Variants in WDR48 observed in about 807,000 individuals in gnomAD.
WDR48 encodes the protein WD repeat domain 48.
In WDR48, 22 loss-of-function variants were observed where a neutral mutation model predicts 94.0. The ratio of observed to expected loss-of-function variants is 0.23; its 90% confidence interval spans 0.17 to 0.33. WDR48 has a LOEUF of 0.33. WDR48 is among the 10% of genes least tolerant of loss of function. The pLI, the probability that WDR48 is intolerant of heterozygous loss-of-function variation, is 1.00. For missense variants in WDR48, 541 were observed against 813.8 expected (o/e 0.66, Z 4.08); for synonymous variants, 278 against 280.5 (o/e 0.99, Z 0.09).
At chr3:39,067,844 C>A (rs1197819342) in intron 5 of WDR48, among the ~76,000 whole-genome samples, 1 of 152,186 alleles carries the variant, frequency 6.6e-6, no homozygotes, top group African/African-American at 2.4e-5. Context: ...TCTCAACATT[C>A]TTTTTCCCTT....
rs545458157 is a variant in WDR48, at chr3:39,094,398, C to T, written c.1939-250C>T. The T allele has an allele frequency of 1.1e-3, 1,634 of 1,487,774 alleles. 2 individuals carry two copies. Among genetic ancestry groups the T allele is most frequent in the Non-Finnish European group, 1.2e-3 (1,376 of 1,123,176 alleles). 92.2% of individuals were successfully genotyped at this position (1,487,774 alleles called of 1,614,324 possible). ...CAGAACTGTTTTTTAAATCAAGATG[C>T]ACTCAAAACGTATCCTCAGAGGAAT... On this transcript the variant is annotated intron_variant, in intron 18 of 18. Coordinates refer to ENST00000302313, the MANE Select transcript of WDR48 (RefSeq NM_020839.4).
chr3:39,074,640 G>C lies in WDR48; in HGVS notation c.673-86G>C, dbSNP rs1009453152. The C allele has an allele frequency of 3.1e-6, 4 of 1,295,672 alleles. 1 individual carries two copies. The African/African-American group carries it at 5.8e-5, about 19-fold the overall frequency. 80.3% of individuals were successfully genotyped at this position (1,295,672 alleles called of 1,614,324 possible). On this transcript the variant is annotated intron_variant, in intron 7 of 18. Coordinates refer to ENST00000302313, the MANE Select transcript of WDR48 (RefSeq NM_020839.4). ...GGTTAATAGAGTCGTGTGTTTGACAGTGTGGACTCGGGAGAAGTCAAGTGC... is the reference window on the plus strand; with the variant it reads ...GGTTAATAGAGTCGTGTGTTTGACACTGTGGACTCGGGAGAAGTCAAGTGC...
intron 1 of WDR48, among the ~76,000 whole-genome samples, chr3:39,061,923 G>C (rs1233240170): frequency 6.6e-6 from 1 of 152,056 alleles, no homozygotes; most frequent in Non-Finnish European, 1.5e-5. Flanking sequence ...CATATCCTTT[G>C]CCCACTTTTT....
At chr3:39,068,422 G>C (rs1169167873) in intron 5 of WDR48, among the ~76,000 whole-genome samples, 1 of 152,016 alleles carries the variant, frequency 6.6e-6, no homozygotes, top group East Asian at 1.9e-4. Context: ...TTGTCTTGGT[G>C]TATGAAACAG....
intron 8 of WDR48, among the ~76,000 whole-genome samples, chr3:39,076,175 A>G (rs532986203): frequency 2.6e-5 from 4 of 152,332 alleles, no homozygotes; most frequent in Admixed American, 6.5e-5. Context: ...ATGGAGGTCA[A>G]ATGCGACGGT....
At chr3:39,052,833 C>G (rs1479493343) in intron 1 of WDR48, among the ~76,000 whole-genome samples, 1 of 152,080 alleles carries the variant, frequency 6.6e-6, no homozygotes, top group Non-Finnish European at 1.5e-5. Flanking sequence ...TTAAGAGTTA[C>G]TGCCACTTCG....
In WDR48 at chr3:39,074,905, T is replaced by C; in HGVS notation, c.852T>C (p.Pro284=). The change falls in exon 8 of 19, where the codon CCT becomes CCC. Residue 284 remains proline, a synonymous_variant. Transcript: ENST00000302313. ...RKIYCTDLRN[P]DIRVLICEEK... is the part of the protein sequence containing the mutation. The stretch of plus-strand genomic sequence containing the variant: ...TTTATTGTACAGACCTAAGAAACCC[T>C]GACATTCGGGTGCTAATTTGTGAAG... 6.2e-7 allele frequency: 1 copy of C among 1,614,220 alleles called. No homozygotes were observed. Among genetic ancestry groups the C allele is most frequent in the Non-Finnish European group, 8.5e-7 (1 of 1,180,032 alleles).
intron 6 of WDR48, 77 bp downstream of exon 6, chr3:39,068,936 T>G: frequency 8.9e-7 from 1 of 1,118,196 alleles, no homozygotes; most frequent in Non-Finnish European, 1.3e-6. Context: ...TTTAAGCAGG[T>G]ATTTTACGAT....
intron 7 of WDR48, 52 bp from the exon 8 acceptor site, chr3:39,074,674 A>G: frequency 6.3e-7 from 1 of 1,594,218 alleles, no homozygotes; most frequent in Non-Finnish European, 8.6e-7. Context: ...GCAAAGCACA[A>G]GAAAGCAGGA....
chr3:39,073,586 A>G (rs970992821), intron 7 of WDR48, among the ~76,000 whole-genome samples: 22 of 152,268 alleles, frequency 1.4e-4, no homozygotes, highest in African/African-American at 5.1e-4. Context: ...TTCCTAAGGA[A>G]ATCAAGTTTT....
chr3:39,091,578 A>G, intron 16 of WDR48, 47 bp from the exon 17 acceptor site: 1 of 1,366,996 alleles, frequency 7.3e-7, no homozygotes, highest in Non-Finnish European at 1.0e-6. Flanking sequence ...ATTTTCATTT[A>G]TCAACTAATA....
Position 39,074,853 on chromosome 3 carries a change from T to C in WDR48, c.800T>C (p.Val267Ala). The C allele has an allele frequency of 6.2e-7, 1 of 1,614,178 alleles. No individual in the cohort carries two copies. Among genetic ancestry groups the C allele is most frequent in the Non-Finnish European group, 8.5e-7 (1 of 1,180,022 alleles). The change falls in exon 8 of 19, where the codon GTG becomes GCG. Residue 267 changes from valine (V) to alanine (A), a missense_variant. Physicochemically the swap from Val to Ala is moderately conservative, Grantham distance 64 (BLOSUM62 0). Transcript: ENST00000302313. ...CAAGTCAATGATGCCTTCACACATG[T>C]GTATTCTGGTGGAAGGGACAGGAAG... ...ALQVNDAFTH[V>A]YSGGRDRKIY...
rs1020219903 is a variant in WDR48 at position 39,085,416 on chromosome 3, T to C, written c.1379-99T>C. The C allele has an allele frequency of 1.9e-5, 18 of 962,726 alleles. No individual in the cohort carries two copies. The African/African-American group carries it at 2.8e-4, about 15-fold the overall frequency. The allele number at this position is 962,726 out of a possible 1,614,324, so 59.6% of individuals were successfully genotyped here. On this transcript the variant is annotated intron_variant, in intron 13 of 18. Transcript: ENST00000302313. ...TTCGCATTGGGTTAAGAATGTAACA[T>C]CAGAATATGTACAAACTTACAATTT... is the stretch of plus-strand genomic sequence containing the variant.
rs554297252 is a variant in WDR48 at position 39,073,991 on chromosome 3, G to A, written c.673-735G>A. On this transcript the variant is annotated intron_variant, in intron 7 of 18. Transcript: ENST00000302313. ...AACATCAGAATCACCTGGAGAGCCT[G>A]TTAAAGCACCAGTTGCTGGGTTCCA... Among the ~76,000 whole-genome samples the A allele has an allele frequency of 2.6e-5, 4 of 152,328 alleles. No homozygotes were observed. In the South Asian group the frequency reaches 8.3e-4, roughly 32 times the overall value.
At chr3:39,081,995 G>T (rs73066276) in intron 11 of WDR48, among the ~76,000 whole-genome samples, 1 of 152,276 alleles carries the variant, frequency 6.6e-6, no homozygotes, top group South Asian at 2.1e-4. Context: ...ACATTGGCTT[G>T]GGAGTTGGAC....
Position 39,095,038 on chromosome 3 carries a change from C to T in WDR48, c.*295C>T, listed in dbSNP as rs967829870. The T allele has an allele frequency of 1.9e-5, 8 of 410,280 alleles. No homozygotes were observed. Among genetic ancestry groups the T allele is most frequent in the African/African-American group, 1.6e-4 (8 of 49,922 alleles). The allele number at this position is 410,280 out of a possible 1,614,324, so 25.4% of individuals were successfully genotyped here. On this transcript the variant is annotated 3_prime_UTR_variant, in exon 19 of 19. Coordinates refer to ENST00000302313, the MANE Select transcript of WDR48 (RefSeq NM_020839.4). The stretch of plus-strand genomic sequence containing the variant: ...CAACAGGCCAGTGCAGACTTTGCTT[C>T]CTCCTTTTGTTTCAAAGGACCTTAT...
chr3:39,063,218 A>G (rs1271315375), intron 2 of WDR48, 28 bp downstream of exon 2: 54 of 1,608,234 alleles, frequency 3.4e-5, no homozygotes, highest in Non-Finnish European at 4.5e-5. Flanking sequence ...ATCTGTACCC[A>G]GCAAATTCTG....
intron 13 of WDR48, among the ~76,000 whole-genome samples, chr3:39,085,214 G>A (rs1470373276): frequency 1.4e-5 from 2 of 147,712 alleles, no homozygotes; most frequent in South Asian, 2.1e-4. Flanking sequence ...GTGACAGAGC[G>A]AGACTCTATC....
intron 18 of WDR48, chr3:39,094,381 T>C (rs573328635): frequency 6.8e-7 from 1 of 1,469,472 alleles, no homozygotes; most frequent in East Asian, 2.5e-5. Flanking sequence ...GGCAGAACTG[T>C]TTTTTAAATC....
Sources: allele counts gnomAD v4.1 joint callset (sites outside exome capture counted in the v4.1 genomes callset), GRCh38; gene constraint gnomAD v4.1.1; transcripts MANE v1.5; gene names NCBI Gene and HGNC (gene_info 2026-07-23, HGNC 2026-07-21).